RAPGEF4: variants seen among roughly 807,000 people sequenced by gnomAD.
RAPGEF4 encodes RAP guanine-nucleotide-exchange factor (GEF) 4.
A neutral mutation model predicts 147.9 loss-of-function variants in RAPGEF4; 66 were observed. That is an observed-to-expected ratio of 0.45 (90% confidence interval 0.37 to 0.55). The LOEUF is 0.55. Among genes scored for constraint, RAPGEF4 ranks in the 20% least tolerant of loss-of-function variants. RAPGEF4 has a pLI of 0.00. For synonymous variants in RAPGEF4, 419 were observed against 442.7 expected, an observed-to-expected ratio of 0.95 and a Z score of 0.67; for missense variants, 1,071 against 1,257.3, an observed-to-expected ratio of 0.85 and a Z score of 2.24.
intron 4 of RAPGEF4, among the ~76,000 whole-genome samples, chr2:172,912,360 T>A (rs948990502): frequency 1.3e-5 from 2 of 152,218 alleles, no homozygotes; most frequent in African/African-American, 2.4e-5. Context: ...AACCTTTTTG[T>A]GGTTACTGTG....
intron 29 of RAPGEF4, 100 bp from the exon 30 acceptor site, chr2:173,048,500 T>C: frequency 6.5e-7 from 1 of 1,541,386 alleles, no homozygotes; most frequent in Admixed American, 2.0e-5. Context: ...ATGTCACTTC[T>C]CATGGTACCA....
intron 5 of RAPGEF4, among the ~76,000 whole-genome samples, chr2:172,920,017 AACCTTC>A (rs1239315450): frequency 6.6e-6 from 1 of 152,100 alleles, no homozygotes; most frequent in African/African-American, 2.4e-5. Flanking sequence ...ACTGGCTGTG[AACCTTC>A]ACTATCTCAC....
intron 16 of RAPGEF4, among the ~76,000 whole-genome samples, chr2:172,998,207 G>C (rs945871337): frequency 3.3e-5 from 5 of 152,168 alleles, no homozygotes; most frequent in African/African-American, 1.2e-4. Context: ...ATCTAGAAAA[G>C]TATCATGGAA....
intron 23 of RAPGEF4, among the ~76,000 whole-genome samples, chr2:173,024,794 C>G (rs1337029228): frequency 6.6e-6 from 1 of 152,216 alleles, no homozygotes; most frequent in African/African-American, 2.4e-5. Flanking sequence ...TATTACAAAA[C>G]ACAAACTCCT....
Position 172,907,968 on chromosome 2 carries a change from G to C in RAPGEF4, c.445-9834G>C, listed in dbSNP as rs560783227. On this transcript the variant is annotated intron_variant, in intron 4 of 30. Transcript: ENST00000397081. ...TTCCTTACCCAAGAGACTGAGGTAA[G>C]TAACTGACCCACGTTCACACAAGTA... Among the ~76,000 whole-genome samples, 13 of 152,308 alleles carry C rather than the reference G, an allele frequency of 8.5e-5. No homozygotes were observed. In the South Asian group the frequency reaches 2.7e-3, roughly 32 times the overall value.
chr2:172,931,167 C>CGG (rs1352168518), intron 6 of RAPGEF4, among the ~76,000 whole-genome samples: 1 of 7,416 alleles, frequency 1.3e-4, no homozygotes, highest in Non-Finnish European at 3.4e-4. Context: ...CAAGCCAGGC[C>CGG]GGGGTGGGGG....
chr2:172,859,556 C>T (rs1693793440), intron 4 of RAPGEF4, among the ~76,000 whole-genome samples: 1 of 152,290 alleles, frequency 6.6e-6, no homozygotes, highest in Middle Eastern at 3.4e-3. Context: ...ATTTTTATAG[C>T]ATTTTATTCT....
chr2:172,826,294 A>G (rs1375242288), intron 4 of RAPGEF4, among the ~76,000 whole-genome samples: 3 of 152,184 alleles, frequency 2.0e-5, no homozygotes, highest in South Asian at 2.1e-4. Context: ...TCTCTTTTCC[A>G]CTGTCCAATA....
chr2:172,792,932 A>G (rs1685971992), intron 1 of RAPGEF4, among the ~76,000 whole-genome samples: 2 of 152,162 alleles, frequency 1.3e-5, no homozygotes, highest in Admixed American at 6.5e-5. Context: ...TTAGTTTCCT[A>G]GGGCTGCTGG....
At chr2:173,017,529 C>G in intron 21 of RAPGEF4, 25 bp downstream of exon 21, 6 of 1,580,218 alleles carry the variant, frequency 3.8e-6, no homozygotes, top group Non-Finnish European at 5.2e-6. Context: ...CCAACTAACT[C>G]GTAGTTGTAT....
intron 30 of RAPGEF4, among the ~76,000 whole-genome samples, chr2:173,051,127 G>A (rs894004582): frequency 4.6e-5 from 7 of 152,286 alleles, no homozygotes; most frequent in East Asian, 1.9e-4. Flanking sequence ...ACATACAGTC[G>A]GTATAGTAAT....
At chr2:172,769,130 T>G (rs1697122594) in intron 1 of RAPGEF4, among the ~76,000 whole-genome samples, 1 of 152,178 alleles carries the variant, frequency 6.6e-6, no homozygotes, top group Non-Finnish European at 1.5e-5. Flanking sequence ...GGGGTATACG[T>G]CTTAAGGAGG....
rs538955038 is a variant in RAPGEF4, at chr2:173,014,314, C to T, written c.1659-150C>T. The T allele has an allele frequency of 4.0e-4, 371 of 925,982 alleles. 2 individuals carry two copies. The African/African-American group carries it at 4.4e-3, about 11-fold the overall frequency. 57.4% of individuals were successfully genotyped at this position (925,982 alleles called of 1,614,324 possible). A position where few individuals can be genotyped will look rare whatever the true frequency, so the allele number is the denominator to read the frequency against. ...TGCATGCATTCGGCACAGACACTTT[C>T]TGTGGGGTTTTTCATGAGGGCCTAG... On this transcript the variant is annotated intron_variant, in intron 17 of 30. Transcript: ENST00000397081.
intron 4 of RAPGEF4, among the ~76,000 whole-genome samples, chr2:172,823,001 A>G (rs1034830381): frequency 3.3e-5 from 5 of 152,208 alleles, no homozygotes; most frequent in African/African-American, 1.2e-4. Context: ...GTGGTTTACA[A>G]TCTAGTGGAA....
chr2:173,011,170 G>GTGCGCA (rs1553548087), intron 17 of RAPGEF4, among the ~76,000 whole-genome samples: 1 of 133,500 alleles, frequency 7.5e-6, no homozygotes, highest in Non-Finnish European at 1.6e-5. Context: ...GCGCGCGCGC[G>GTGCGCA]CACACACACA....
Position 173,022,598 on chromosome 2 carries a change from AG to A in RAPGEF4, c.2253+1886del, listed in dbSNP as rs2105928963. ...CTGATCCATCCACACATGCTTCTGC[AG>A]GGTCTGCTCTGTGCTTGGGGCTGTG... On this transcript the variant is annotated intron_variant, in intron 23 of 30. Coordinates refer to ENST00000397081, the MANE Select transcript of RAPGEF4 (RefSeq NM_007023.4). Among the ~76,000 whole-genome samples the A allele has an allele frequency of 1.3e-5, 2 of 152,344 alleles. 1 individual carries two copies. The highest frequency in any genetic ancestry group is 4.1e-4 in the South Asian group (2 of 4,828).
chr2:173,015,302 A>G (rs554335076), intron 18 of RAPGEF4, among the ~76,000 whole-genome samples: 1 of 152,312 alleles, frequency 6.6e-6, no homozygotes, highest in Non-Finnish European at 1.5e-5. Flanking sequence ...CTAGCCCCAA[A>G]TTACAGCACT....
chr2:172,787,829 A>G (rs1417057975), intron 1 of RAPGEF4, among the ~76,000 whole-genome samples: 1 of 152,132 alleles, frequency 6.6e-6, no homozygotes. Flanking sequence ...CATATTGCCC[A>G]GGGTGGTCTT....
chr2:173,024,219 T>TTA (rs1491455834), intron 23 of RAPGEF4, among the ~76,000 whole-genome samples: 8 of 9,634 alleles, frequency 8.3e-4, no homozygotes, highest in Admixed American at 1.5e-3. Flanking sequence ...TTTTTTATTA[T>TTA]TTTTTTTTTT....
Sources: gnomAD v4.1 joint callset for allele counts (sites outside exome capture counted in the v4.1 genomes callset) on GRCh38, gnomAD v4.1.1 for gene constraint, MANE v1.5 for transcripts, NCBI Gene and HGNC (gene_info 2026-07-23, HGNC 2026-07-21) for gene names.